The following SLC22A2 variants were observed in gnomAD, a reference collection of about 807,000 sequenced individuals.
SLC22A2 encodes organic cation transporter 2.
A neutral mutation model predicts 60.5 loss-of-function variants in SLC22A2; 46 were observed. The observed-to-expected ratio is 0.76, with a 90% confidence interval of 0.60 to 0.97. SLC22A2 has a LOEUF of 0.97. Ranked by LOEUF, SLC22A2 falls within the 50% of genes least tolerant of loss-of-function variation. The probability of loss-of-function intolerance (pLI) is 0.00; values close to 1 mark genes in which losing one functional copy is unlikely to be tolerated. For missense variants in SLC22A2, 701 were observed against 706.6 expected (o/e 0.99, Z 0.09); for synonymous variants, 303 against 267.0 (o/e 1.13, Z -1.31).
At chr6:160,224,665 C>A in intron 10 of SLC22A2, 40 bp downstream of exon 10, 1 of 1,357,946 alleles carries the variant, frequency 7.4e-7, no homozygotes, top group Non-Finnish European at 1.0e-6. Context: ...TGTCTTAAAA[C>A]CTTTATAGAA....
chr6:160,225,200 T>C (rs4646239), intron 9 of SLC22A2, among the ~76,000 whole-genome samples: 9,815 of 152,240 alleles, frequency 0.064, 433 homozygotes, highest in Non-Finnish European at 0.099. Flanking sequence ...TTCTAGCAAA[T>C]AAAAGTAATG....
At chr6:160,232,620 G>A (rs1308786099) in intron 9 of SLC22A2, among the ~76,000 whole-genome samples, 2 of 151,608 alleles carry the variant, frequency 1.3e-5, no homozygotes, top group Non-Finnish European at 2.9e-5. Context: ...AAGGAAGCTG[G>A]AGTCATTCAC....
intron 6 of SLC22A2, 78 bp downstream of exon 6, chr6:160,245,361 G>T: frequency 1.2e-6 from 1 of 803,948 alleles, no homozygotes. Flanking sequence ...ATGAGGTCAT[G>T]TTTTCTTCCC....
intron 10 of SLC22A2, among the ~76,000 whole-genome samples, chr6:160,220,306 T>A (rs902052578): frequency 6.6e-6 from 1 of 152,232 alleles, no homozygotes; most frequent in Admixed American, 6.5e-5. Flanking sequence ...TGTTCAAGTT[T>A]TATCACGAGG....
At position 160,246,676 on chromosome 6, in the gene SLC22A2, A is replaced by G. The variant is rs1401847802; in HGVS notation, c.957+508T>C. ...GCAGGAGAATCGCTTGAACCTGGGA[A>G]GTGGAGATTGCAGTGAGCCGAGATT... is the stretch of plus-strand genomic sequence containing the variant. On this transcript the variant is annotated intron_variant, in intron 5 of 10. Transcript: ENST00000366953. Among the ~76,000 whole-genome samples the G allele has an allele frequency of 2.0e-5, 3 of 152,198 alleles. No individual in the cohort carries two copies. In the East Asian group the frequency reaches 5.8e-4, roughly 29 times the overall value.
chr6:160,256,846 GC>G, intron 1 of SLC22A2, 129 bp from the exon 2 acceptor site: 1 of 620,934 alleles, frequency 1.6e-6, no homozygotes, highest in Non-Finnish European at 2.9e-6. Flanking sequence ...TAGTTAAGTG[GC>G]AATAAGCCAT....
intron 10 of SLC22A2, among the ~76,000 whole-genome samples, chr6:160,224,255 A>G (rs2114850431): frequency 6.9e-6 from 1 of 145,424 alleles, no homozygotes; most frequent in Non-Finnish European, 1.5e-5. Context: ...AGCTGTTTTT[A>G]TTTCCTTTTC....
rs1782555411 is a variant in SLC22A2, at chr6:160,217,281, C to T, written c.*151G>A. 1.8e-6 allele frequency: 1 copy of T among 552,190 alleles called. No individual in the cohort carries two copies. The highest frequency in any genetic ancestry group is 1.9e-5 in the African/African-American group (1 of 52,394). The allele number at this position is 552,190 out of a possible 1,614,324, so 34.2% of individuals were successfully genotyped here. A position where few individuals can be genotyped will look rare whatever the true frequency, so the allele number is the denominator to read the frequency against. On this transcript the variant is annotated 3_prime_UTR_variant, in exon 11 of 11. Transcript: ENST00000366953. ...CCCATGGGTATTTTTCCACAGTGTA[C>T]AATAGACTCCACTGGCTGTAGACCT...
In SLC22A2 at chr6:160,243,772, A is replaced by G. The variant is rs752087342; in HGVS notation, c.1079T>C (p.Val360Ala). Reference sequence around the variant, plus strand: ...GTGCATGATGAGGCCCTGGTAGAGCACAGAGCTCGTGAACCTGAGCAAAGA... The same window carrying G: ...GTGCATGATGAGGCCCTGGTAGAGCGCAGAGCTCGTGAACCTGAGCAAAGA... ...ILMYNWFTSSVLYQGLIMHMG... is the reference protein window; with the variant it reads ...ILMYNWFTSSALYQGLIMHMG... The change falls in exon 7 of 11, where the codon GTG becomes GCG. Residue 360 changes from valine (V) to alanine (A), a missense_variant. Val to Ala is a moderately conservative substitution (Grantham distance 64). Transcript: ENST00000366953. 5.6e-6 allele frequency: 9 copies of G among 1,613,334 alleles called. No homozygotes were observed. The highest frequency in any genetic ancestry group is 1.3e-5 in the African/African-American group (1 of 74,918).
intron 9 of SLC22A2, among the ~76,000 whole-genome samples, chr6:160,235,642 T>C (rs1378333786): frequency 6.6e-6 from 1 of 150,892 alleles, no homozygotes; most frequent in African/African-American, 2.4e-5. Flanking sequence ...ATCATTCAGT[T>C]TTTCCATAAA....
intron 2 of SLC22A2, 150 bp from the exon 3 acceptor site, chr6:160,250,852 G>A (rs1783174387): frequency 1.4e-6 from 1 of 737,808 alleles, no homozygotes; most frequent in Non-Finnish European, 2.2e-6. Context: ...TAGCCACAAA[G>A]GGAATCTGTG....
chr6:160,232,054 C>G (rs1315603938), intron 9 of SLC22A2, among the ~76,000 whole-genome samples: 2 of 151,936 alleles, frequency 1.3e-5, no homozygotes, highest in African/African-American at 2.4e-5. Flanking sequence ...AGCTCACTCT[C>G]TACAGTTCTC....
intron 8 of SLC22A2, 122 bp from the exon 9 acceptor site, chr6:160,241,708 G>A: frequency 1.7e-6 from 1 of 595,362 alleles, no homozygotes; most frequent in Non-Finnish European, 2.9e-6. Context: ...AGTGTACACT[G>A]CTCAGGTGAC....
intron 10 of SLC22A2, among the ~76,000 whole-genome samples, chr6:160,221,634 G>A (rs1253729348): frequency 6.6e-6 from 1 of 152,138 alleles, no homozygotes; most frequent in African/African-American, 2.4e-5. Context: ...AACACCTAGA[G>A]GGCATTGTAG....
chr6:160,216,835 T>C lies in SLC22A2; in HGVS notation c.*597A>G, dbSNP rs1782545433. The C allele has an allele frequency of 6.6e-6, 1 of 152,130 alleles. No homozygotes were observed. The allele number at this position is 152,130 out of a possible 1,614,324, so 9.4% of individuals were successfully genotyped here. ...AATACACATTCATGCTTACCCAATC[T>C]AAATATGGAAGGACCTCATGATCAC... is the stretch of plus-strand genomic sequence containing the variant. On this transcript the variant is annotated 3_prime_UTR_variant, in exon 11 of 11. Coordinates refer to ENST00000366953, the MANE Select transcript of SLC22A2 (RefSeq NM_003058.4).
Position 160,217,361 on chromosome 6 carries a change from G to T in SLC22A2, c.*71C>A. 1 of 964,962 alleles carries T rather than the reference G, an allele frequency of 1.0e-6. No individual in the cohort carries two copies. 59.8% of individuals were successfully genotyped at this position (964,962 alleles called of 1,614,324 possible). On this transcript the variant is annotated 3_prime_UTR_variant, in exon 11 of 11. Transcript: ENST00000366953. ...TTGAGTTGTATGGGCTTTGTGATGA[G>T]TGCAGGGATTTCTACTTTTGGTCTT...
chr6:160,217,441 TG>T lies in SLC22A2; in HGVS notation c.1658del (p.Pro553HisfsTer2), dbSNP rs760259432. On this transcript the variant is annotated frameshift_variant, in exon 11 of 11. Transcript: ENST00000366953. LOFTEE classifies it high-confidence loss of function. ...IYLQVQKLDI[P>X]LN ...GCAACGGTCTCTCTTCTTAGTTCAA[TG>T]GAATGTCTAGTTTCTGAACTTGGAG... 1.9e-6 allele frequency: 3 copies of T among 1,600,464 alleles called. No homozygotes were observed. The South Asian group carries it at 3.3e-5, about 18-fold the overall frequency.
At chr6:160,221,640 T>G (rs1782645813) in intron 10 of SLC22A2, among the ~76,000 whole-genome samples, 1 of 152,196 alleles carries the variant, frequency 6.6e-6, no homozygotes, top group Non-Finnish European at 1.5e-5. Context: ...TAGAGGGCAT[T>G]GTAGAGCTAT....
At chr6:160,222,577 A>G (rs1215192438) in intron 10 of SLC22A2, among the ~76,000 whole-genome samples, 2 of 152,196 alleles carry the variant, frequency 1.3e-5, no homozygotes, top group Non-Finnish European at 2.9e-5. Context: ...AGCAGTAAAC[A>G]GGATTTAGAC....
Sources: gnomAD v4.1 joint callset for allele counts (sites outside exome capture counted in the v4.1 genomes callset) on GRCh38, gnomAD v4.1.1 for gene constraint, MANE v1.5 for transcripts, NCBI Gene and HGNC (gene_info 2026-07-23, HGNC 2026-07-21) for gene names.